The following COA1 variants were observed in gnomAD, a reference collection of about 807,000 sequenced individuals.
COA1 encodes cytochrome c oxidase assembly factor 1 homolog.
COA1 carries 13 observed loss-of-function variants against 16.0 expected under a neutral mutation model. The observed-to-expected ratio is 0.81, with a 90% CI of 0.53 to 1.29. The LOEUF (loss-of-function observed/expected upper bound fraction) is 1.29, where lower values mean the gene tolerates loss of function less well. Ranked by LOEUF, COA1 falls within the 50% of genes most tolerant of loss-of-function variation. The pLI is 0.00. For synonymous variants in COA1, 65 were observed against 65.7 expected, an observed-to-expected ratio of 0.99 and a Z score of 0.05; for missense variants, 179 against 177.0, an observed-to-expected ratio of 1.01 and a Z score of -0.06.
At chr7:43,710,517 C>G (rs1254348262) in intron 1 of COA1, among the ~76,000 whole-genome samples, 1 of 151,498 alleles carries the variant, frequency 6.6e-6, no homozygotes, top group Non-Finnish European at 1.5e-5. Flanking sequence ...ATGGATAGCT[C>G]TTTGGTAGGT....
At chr7:43,711,013 T>G (rs1405192958) in intron 1 of COA1, among the ~76,000 whole-genome samples, 1 of 106,246 alleles carries the variant, frequency 9.4e-6, no homozygotes, top group Non-Finnish European at 2.5e-5. Context: ...TTGTTGATGG[T>G]TTTTTTTTTT....
chr7:43,649,767 T>TGGA (rs2090377759), intron 1 of COA1: 2 of 152,264 alleles, frequency 1.3e-5, no homozygotes, highest in South Asian at 4.1e-4. Context: ...TGCCAACAGT[T>TGGA]GGAAGTACTA....
chr7:43,719,013 C>A (rs1255916930), intron 1 of COA1, among the ~76,000 whole-genome samples: 1 of 151,484 alleles, frequency 6.6e-6, no homozygotes. Flanking sequence ...ACTCTGTCAC[C>A]CAGGCTGGAG....
chr7:43,610,068 C>A (rs530950541), intron 6 of COA1, among the ~76,000 whole-genome samples: 1 of 152,144 alleles, frequency 6.6e-6, no homozygotes, highest in Non-Finnish European at 1.5e-5. Flanking sequence ...TGGCCAGGGC[C>A]GGGCGCGGTG....
chr7:43,648,049 A>G (rs1416788678), intron 2 of COA1: 1 of 199,332 alleles, frequency 5.0e-6, no homozygotes, highest in Admixed American at 5.4e-5. Flanking sequence ...AAGCCTGCGA[A>G]TGGGCTGGAG....
chr7:43,619,614 G>T, intron 6 of COA1: 1 of 1,613,818 alleles, frequency 6.2e-7, no homozygotes, highest in South Asian at 1.1e-5. Context: ...ATATTCTGTT[G>T]ACAAGTGAAT....
At chr7:43,682,573 A>G (rs1361242325) in intron 1 of COA1, among the ~76,000 whole-genome samples, 1 of 152,236 alleles carries the variant, frequency 6.6e-6, no homozygotes, top group Non-Finnish European at 1.5e-5. Flanking sequence ...TCTGAAAAGT[A>G]TAAATGTCTA....
intron 1 of COA1, among the ~76,000 whole-genome samples, chr7:43,714,038 GA>G (rs1435946061): frequency 6.7e-6 from 1 of 150,246 alleles, no homozygotes; most frequent in Non-Finnish European, 1.5e-5. Flanking sequence ...CAGATGGCAG[GA>G]AAAAAAAATT....
At chr7:43,729,259 T>G (rs2095690297) in intron 1 of COA1, among the ~76,000 whole-genome samples, 170 bp downstream of exon 1, 1 of 152,192 alleles carries the variant, frequency 6.6e-6, no homozygotes, top group South Asian at 2.1e-4. Context: ...CCAAAGAAGC[T>G]GCGCAGGGAG....
At chr7:43,691,396 G>A (rs2094333817) in intron 1 of COA1, among the ~76,000 whole-genome samples, 1 of 112,036 alleles carries the variant, frequency 8.9e-6, no homozygotes, top group African/African-American at 3.5e-5. Context: ...AGGAAGGAAG[G>A]AAGGAAGGAA....
intron 1 of COA1, among the ~76,000 whole-genome samples, chr7:43,695,943 C>A (rs2094512998): frequency 6.6e-6 from 1 of 152,184 alleles, no homozygotes; most frequent in Admixed American, 6.5e-5. Context: ...TCCATTTTCA[C>A]ACTGCTGATA....
intron 4 of COA1, 178 bp from the exon 5 acceptor site, chr7:43,640,827 C>T: frequency 1.9e-6 from 1 of 540,214 alleles, no homozygotes; most frequent in South Asian, 2.6e-5. Context: ...AATGTCCTGC[C>T]CCTCTTTGGT....
chr7:43,620,530 C>A (rs1449451027), intron 6 of COA1, among the ~76,000 whole-genome samples: 1 of 152,052 alleles, frequency 6.6e-6, no homozygotes, highest in Admixed American at 6.5e-5. Flanking sequence ...AAAAATTAGC[C>A]AGGCGTGATG....
chr7:43,616,725 G>A (rs562150829), intron 6 of COA1, among the ~76,000 whole-genome samples: 274 of 152,114 alleles, frequency 1.8e-3, no homozygotes, highest in Non-Finnish European at 2.9e-3. Flanking sequence ...GTGAAACCCC[G>A]TCTCTACTAA....
intron 1 of COA1, among the ~76,000 whole-genome samples, chr7:43,705,620 G>T (rs915764161): frequency 2.0e-5 from 3 of 152,206 alleles, no homozygotes; most frequent in Admixed American, 6.5e-5. Context: ...AGCCAACAAA[G>T]GCTAGAGCTG....
chr7:43,720,328 T>C (rs2095480959), intron 1 of COA1, among the ~76,000 whole-genome samples: 1 of 152,118 alleles, frequency 6.6e-6, no homozygotes, highest in African/African-American at 2.4e-5. Flanking sequence ...TTTGTGTTTT[T>C]ATTGTGGGAA....
intron 1 of COA1, among the ~76,000 whole-genome samples, chr7:43,728,879 A>AAC (rs1309451390): frequency 6.6e-6 from 1 of 152,182 alleles, no homozygotes; most frequent in Admixed American, 6.6e-5. Flanking sequence ...TCCACCCCCA[A>AAC]ACACACATAC....
At position 43,663,656 on chromosome 7, in the gene COA1, G is replaced by A. The variant is rs1202493692; in HGVS notation, c.-38-15004C>T. ...TCCACTCCAGCCTCTGCGACATAAA[G>A]ACCCTATCTCAAAAAAAAAAAAAAA... On this transcript the variant is annotated intron_variant, in intron 1 of 5. Coordinates refer to ENST00000223336, the MANE Select transcript of COA1 (RefSeq NM_018224.4). Among the ~76,000 whole-genome samples the A allele has an allele frequency of 9.2e-5, 7 of 75,762 alleles. No homozygotes were observed. The Admixed American group carries it at 1.0e-3, about 11-fold the overall frequency. The allele number at this position is 75,762 out of a possible 152,430, so 49.7% of individuals were successfully genotyped here. A position where few individuals can be genotyped will look rare whatever the true frequency, so the allele number is the denominator to read the frequency against.
intron 1 of COA1, among the ~76,000 whole-genome samples, chr7:43,651,818 G>C (rs191232609): frequency 3.3e-5 from 5 of 152,170 alleles, no homozygotes; most frequent in Admixed American, 6.5e-5. Context: ...GCAACTTGGT[G>C]GAACCGAAAC....
Sources: gnomAD v4.1 joint callset for allele counts (sites outside exome capture counted in the v4.1 genomes callset) on GRCh38, gnomAD v4.1.1 for gene constraint, MANE v1.5 for transcripts, NCBI Gene and HGNC (gene_info 2026-07-23, HGNC 2026-07-21) for gene names.